ATG5: variants seen among roughly 807,000 people sequenced by gnomAD.
ATG5 encodes autophagy related 5, also known as autophagy protein 5.
Under a neutral mutation model 36.5 loss-of-function variants are expected in ATG5, and 14 were observed. That is an observed-to-expected ratio of 0.38 (90% CI 0.25 to 0.60). The LOEUF (loss-of-function observed/expected upper bound fraction) is 0.60. ATG5 is among the 20% of genes least tolerant of loss of function. The pLI, the probability that ATG5 is intolerant of heterozygous loss-of-function variation, is 0.60. For missense variants in ATG5, 195 were observed against 326.7 expected, an observed-to-expected ratio of 0.60 and a Z score of 3.11; for synonymous variants, 95 against 101.5, an observed-to-expected ratio of 0.94 and a Z score of 0.38.
chr6:106,216,710 T>C (rs181503164), intron 6 of ATG5, among the ~76,000 whole-genome samples: 11 of 152,256 alleles, frequency 7.2e-5, no homozygotes, highest in African/African-American at 2.2e-4. Flanking sequence ...CTAAAACCAA[T>C]GAATAGCATG....
At chr6:106,307,147 T>C (rs1388800319) in intron 3 of ATG5, among the ~76,000 whole-genome samples, 2 of 152,358 alleles carry the variant, frequency 1.3e-5, no homozygotes, top group South Asian at 2.1e-4. Flanking sequence ...TGCTAATAAA[T>C]AGTCCTTTGA....
chr6:106,311,660 A>G (rs1006302263), intron 2 of ATG5, among the ~76,000 whole-genome samples: 1 of 152,184 alleles, frequency 6.6e-6, no homozygotes, highest in Non-Finnish European at 1.5e-5. Context: ...AGAACCTTGT[A>G]AACTAAATGA....
intron 4 of ATG5, among the ~76,000 whole-genome samples, chr6:106,284,955 C>T (rs1562255482): frequency 1.3e-5 from 2 of 152,172 alleles, no homozygotes; most frequent in Admixed American, 6.5e-5. Context: ...AACCCACACA[C>T]AGTCTTGATT....
At chr6:106,199,613 TGTG>T (rs1391908198) in intron 7 of ATG5, among the ~76,000 whole-genome samples, 2 of 152,084 alleles carry the variant, frequency 1.3e-5, no homozygotes, top group African/African-American at 4.8e-5. Context: ...AAAACCAAAT[TGTG>T]GTGATGGTTG....
chr6:106,218,108 T>A (rs542845945), intron 6 of ATG5, among the ~76,000 whole-genome samples: 1 of 152,166 alleles, frequency 6.6e-6, no homozygotes, highest in Non-Finnish European at 1.5e-5. Context: ...GGTAAGGGGT[T>A]GAGTAAGGAG....
At chr6:106,211,022 C>A (rs924555812) in intron 6 of ATG5, among the ~76,000 whole-genome samples, 4 of 152,114 alleles carry the variant, frequency 2.6e-5, no homozygotes, top group African/African-American at 7.2e-5. Context: ...TTACTAGTGT[C>A]AGTTTTGTTG....
chr6:106,282,503 T>C (rs559341717), intron 4 of ATG5, among the ~76,000 whole-genome samples: 1 of 152,336 alleles, frequency 6.6e-6, no homozygotes, highest in East Asian at 1.9e-4. Flanking sequence ...GTACAATTTT[T>C]AATAGCAAAG....
At chr6:106,295,472 C>A (rs1011657664) in intron 3 of ATG5, among the ~76,000 whole-genome samples, 1 of 152,112 alleles carries the variant, frequency 6.6e-6, no homozygotes, top group Non-Finnish European at 1.5e-5. Flanking sequence ...ATATTCCCTG[C>A]CATTAACAAA....
chr6:106,209,403 T>C (rs755010596), intron 6 of ATG5, among the ~76,000 whole-genome samples: 5 of 152,152 alleles, frequency 3.3e-5, no homozygotes, highest in Non-Finnish European at 5.9e-5. Context: ...TCAAGGGAGT[T>C]ATGTTATGTG....
At chr6:106,190,974 G>T (rs1039198671) in intron 7 of ATG5, among the ~76,000 whole-genome samples, 1 of 152,164 alleles carries the variant, frequency 6.6e-6, no homozygotes, top group South Asian at 2.1e-4. Context: ...CAAATTGGGG[G>T]TTAGGCAACT....
intron 7 of ATG5, among the ~76,000 whole-genome samples, chr6:106,187,572 C>A (rs527441892): frequency 6.6e-6 from 1 of 152,214 alleles, no homozygotes; most frequent in Non-Finnish European, 1.5e-5. Context: ...GTCTCCTTTA[C>A]CTTCTCTTCA....
At chr6:106,309,541 T>C (rs1770570826) in intron 2 of ATG5, among the ~76,000 whole-genome samples, 1 of 152,126 alleles carries the variant, frequency 6.6e-6, no homozygotes, top group African/African-American at 2.4e-5. Flanking sequence ...TATAAGTTAT[T>C]CTTTTATAAA....
chr6:106,219,979 A>G (rs1777179003), intron 6 of ATG5, among the ~76,000 whole-genome samples: 1 of 152,148 alleles, frequency 6.6e-6, no homozygotes. Context: ...GCAATATAAC[A>G]GTGGTTCTCT....
chr6:106,296,955 T>A (rs1769972194), intron 3 of ATG5, among the ~76,000 whole-genome samples: 1 of 152,216 alleles, frequency 6.6e-6, no homozygotes. Context: ...TGTTTCACAA[T>A]TATTAGACAA....
intron 7 of ATG5, among the ~76,000 whole-genome samples, chr6:106,198,285 C>G (rs1393083880): frequency 6.6e-6 from 1 of 152,032 alleles, no homozygotes; most frequent in East Asian, 1.9e-4. Context: ...AAAGGGGAAC[C>G]AGGTTAGAGT....
chr6:106,261,841 G>A (rs1242168264), intron 5 of ATG5, among the ~76,000 whole-genome samples: 2 of 152,084 alleles, frequency 1.3e-5, no homozygotes, highest in East Asian at 3.9e-4. Flanking sequence ...CCGGGGGAGC[G>A]GGCAGTGTGC....
intron 2 of ATG5, among the ~76,000 whole-genome samples, chr6:106,314,766 C>A (rs1430985574): frequency 2.6e-5 from 4 of 151,964 alleles, no homozygotes; most frequent in African/African-American, 9.6e-5. Context: ...AGAACAAGAA[C>A]AGAAAAAATA....
chr6:106,315,884 AT>A (rs1455820095), intron 2 of ATG5, among the ~76,000 whole-genome samples: 1 of 152,238 alleles, frequency 6.6e-6, no homozygotes, highest in Non-Finnish European at 1.5e-5. Context: ...TCCAGAACGC[AT>A]CATGACAACA....
intron 6 of ATG5, among the ~76,000 whole-genome samples, chr6:106,217,055 C>T (rs1300159635): frequency 6.6e-6 from 1 of 151,640 alleles, no homozygotes; most frequent in African/African-American, 2.4e-5. Flanking sequence ...ATGCATCATA[C>T]CTTATGTTTG....
Sources: allele counts gnomAD v4.1 joint callset (sites outside exome capture counted in the v4.1 genomes callset), GRCh38; gene constraint gnomAD v4.1.1; transcripts MANE v1.5; gene names NCBI Gene and HGNC (gene_info 2026-07-23, HGNC 2026-07-21).